Variants in AP4S1 observed in about 807,000 individuals in gnomAD.
The protein encoded by AP4S1 is adaptor related protein complex 4 subunit sigma 1.
In AP4S1, 23 loss-of-function variants were observed where a neutral mutation model predicts 19.8. That is an observed-to-expected ratio of 1.16 (90% CI 0.84 to 1.65). The LOEUF (loss-of-function observed/expected upper bound fraction) is 1.65. Ranked by LOEUF, AP4S1 falls within the 40% of genes most tolerant of loss-of-function variation. The pLI is 0.00. For missense variants in AP4S1, 166 were observed against 172.8 expected (o/e 0.96, Z 0.22); for synonymous variants, 46 against 54.1 (o/e 0.85, Z 0.66).
chr14:31,060,439 T>C (rs550606978), intron 1 of AP4S1, among the ~76,000 whole-genome samples: 1 of 152,310 alleles, frequency 6.6e-6, no homozygotes, highest in East Asian at 1.9e-4. Context: ...CTTTGCTAAG[T>C]GCTGTTTGTG....
At chr14:31,082,050 G>T (rs900340752) in intron 5 of AP4S1, among the ~76,000 whole-genome samples, 1 of 152,068 alleles carries the variant, frequency 6.6e-6, no homozygotes, top group Non-Finnish European at 1.5e-5. Context: ...CAGTATGTTT[G>T]CATCCACTTA....
intron 1 of AP4S1, among the ~76,000 whole-genome samples, chr14:31,049,428 A>AAAAATATATATAT (rs1384450221): frequency 1.7e-4 from 10 of 57,742 alleles, no homozygotes; most frequent in African/African-American, 4.7e-4. Context: ...AAAAAAAAAA[A>AAAAATATATATAT]ATATATATAT....
intron 1 of AP4S1, among the ~76,000 whole-genome samples, chr14:31,028,539 G>A (rs564749654): frequency 2.0e-5 from 3 of 152,072 alleles, no homozygotes; most frequent in East Asian, 1.9e-4. Flanking sequence ...TTTAGGGGGC[G>A]TCATAGCACA....
intron 1 of AP4S1, among the ~76,000 whole-genome samples, chr14:31,060,041 A>T (rs963602504): frequency 6.8e-6 from 1 of 146,770 alleles, no homozygotes; most frequent in Non-Finnish European, 1.5e-5. Context: ...GTATATATGT[A>T]TATATATTTA....
At chr14:31,072,506 G>A (rs1887067724) in intron 3 of AP4S1, among the ~76,000 whole-genome samples, 1 of 152,164 alleles carries the variant, frequency 6.6e-6, no homozygotes, top group South Asian at 2.1e-4. Flanking sequence ...AAGTAGCTGA[G>A]ACTACAGGCA....
rs1312236156 is a variant in AP4S1 at position 31,065,471 on chromosome 14, A to G, written c.-71-655A>G. 2.8e-5 allele frequency among the ~76,000 whole-genome samples: 4 copies of G among 142,232 alleles called. No individual in the cohort carries two copies. In the East Asian group the frequency reaches 7.8e-4, roughly 28 times the overall value. The allele number at this position is 142,232 out of a possible 152,430, so 93.3% of individuals were successfully genotyped here. Reference sequence around the variant, plus strand: ...CCTAGCACCTTTGCTAGATGTAAAAATCAGAAGATCAGAAGTCCTTACTAT... The same window carrying G: ...CCTAGCACCTTTGCTAGATGTAAAAGTCAGAAGATCAGAAGTCCTTACTAT... On this transcript the variant is annotated intron_variant, in intron 1 of 5. Transcript: ENST00000542754.
Position 31,069,949 on chromosome 14 carries a change from C to G in AP4S1, c.225+20C>G. The stretch of plus-strand genomic sequence containing the variant: ...ACTGAGGTAAGATAATAGAAGAGCC[C>G]TTGGAAAATGCAAGAATTTCTTTCT... On this transcript the variant is annotated intron_variant, in intron 3 of 5. Coordinates refer to ENST00000542754, the MANE Select transcript of AP4S1 (RefSeq NM_001128126.3). The G allele has an allele frequency of 1.9e-6, 3 of 1,572,076 alleles. No individual in the cohort carries two copies. The highest frequency in any genetic ancestry group is 2.6e-6 in the Non-Finnish European group (3 of 1,141,836).
chr14:31,079,757 T>C (rs73252201), intron 4 of AP4S1, among the ~76,000 whole-genome samples: 8,868 of 152,042 alleles, frequency 0.058, 859 homozygotes, highest in African/African-American at 0.2. Flanking sequence ...ACCCAGGAAG[T>C]GGAGGTTGTA....
At chr14:31,025,540 A>C, upstream of AP4S1, 1 of 281,976 alleles carries the variant, frequency 3.5e-6, no homozygotes, top group Non-Finnish European at 6.9e-6. Flanking sequence ...AACAAGAGCA[A>C]ACTCAGTGTT....
intron 1 of AP4S1, 29 bp from the exon 2 acceptor site, chr14:31,066,097 T>C: frequency 8.8e-7 from 1 of 1,142,324 alleles, no homozygotes; most frequent in Non-Finnish European, 1.3e-6. Flanking sequence ...GATCTTGCCT[T>C]TCTGGTTTTG....
chr14:31,087,924 A>G (rs910783382), intron 5 of AP4S1, among the ~76,000 whole-genome samples: 1 of 152,210 alleles, frequency 6.6e-6, no homozygotes, highest in Non-Finnish European at 1.5e-5. Flanking sequence ...TTTTGAAAAT[A>G]TTAAATGGAA....
chr14:31,067,353 A>G (rs763684860), intron 2 of AP4S1, among the ~76,000 whole-genome samples: 5 of 151,238 alleles, frequency 3.3e-5, no homozygotes, highest in Admixed American at 6.6e-5. Flanking sequence ...TACATGTGCC[A>G]TGTTGGTGTG....
chr14:31,091,339 T>C (rs142913781), intron 5 of AP4S1, among the ~76,000 whole-genome samples: 86 of 152,278 alleles, frequency 5.6e-4, no homozygotes, highest in African/African-American at 2.0e-3. Flanking sequence ...CACCTGTGCT[T>C]CTTAGCTCTG....
At chr14:31,026,021 G>C in intron 1 of AP4S1, 1 of 1,541,768 alleles carries the variant, frequency 6.5e-7, no homozygotes, top group Non-Finnish European at 8.7e-7. Flanking sequence ...GGGACAGCTC[G>C]GGGCCTGCCG....
chr14:31,067,463 C>T (rs1188712151), intron 2 of AP4S1, among the ~76,000 whole-genome samples: 2 of 144,238 alleles, frequency 1.4e-5, no homozygotes, highest in Non-Finnish European at 3.0e-5. Flanking sequence ...TGATGTCCCC[C>T]ACCCTGTGTC....
chr14:31,087,950 G>A (rs1399490504), intron 5 of AP4S1, among the ~76,000 whole-genome samples: 1 of 152,208 alleles, frequency 6.6e-6, no homozygotes, highest in Non-Finnish European at 1.5e-5. Flanking sequence ...CGTTGCCAGA[G>A]AGTGAGGACT....
At chr14:31,085,599 C>T (rs1176207474) in intron 5 of AP4S1, 2 of 867,856 alleles carry the variant, frequency 2.3e-6, no homozygotes, top group African/African-American at 3.7e-5. Context: ...CATAGGGAGA[C>T]CCAGTCTCTA....
intron 1 of AP4S1, among the ~76,000 whole-genome samples, chr14:31,041,516 G>A (rs1020101622): frequency 3.3e-5 from 5 of 152,228 alleles, no homozygotes; most frequent in Admixed American, 2.0e-4. Flanking sequence ...GAAGTAATCT[G>A]TAGTAATCCT....
intron 5 of AP4S1, among the ~76,000 whole-genome samples, chr14:31,092,557 T>TAATA (rs144211860): frequency 0.02 from 3,012 of 152,344 alleles, 46 homozygotes; most frequent in Middle Eastern, 0.051. Flanking sequence ...TTACTATTAT[T>TAATA]GTCTGGGAAG....
Sources: gnomAD v4.1 joint callset for allele counts (sites outside exome capture counted in the v4.1 genomes callset) on GRCh38, gnomAD v4.1.1 for gene constraint, MANE v1.5 for transcripts, NCBI Gene and HGNC (gene_info 2026-07-23, HGNC 2026-07-21) for gene names.